The following CENPW variants were observed in gnomAD, a reference collection of about 807,000 sequenced individuals.
CENPW encodes the protein centromere protein W, also known as cancer-up-regulated gene 2 protein.
A neutral mutation model predicts 11.1 loss-of-function variants in CENPW; 3 were observed. The ratio of observed to expected loss-of-function variants is 0.27; its 90% CI spans 0.12 to 0.70. The LOEUF (loss-of-function observed/expected upper bound fraction) is 0.70. Among genes scored for constraint, CENPW ranks in the 30% least tolerant of loss-of-function variants. The pLI, the probability that CENPW is intolerant of heterozygous loss-of-function variation, is 0.77. For missense variants in CENPW, 100 were observed against 105.6 expected (o/e 0.95, Z 0.23); for synonymous variants, 38 against 42.0 (o/e 0.91, Z 0.37).
At chr6:126,388,042 A>T in the CENPW span, among the ~76,000 whole-genome samples, 1 of 152,020 alleles carries the variant, frequency 6.6e-6, no homozygotes, top group Non-Finnish European at 1.5e-5. Flanking sequence ...CACCATATAC[A>T]GTAGCACAAA....
At chr6:126,460,147 T>C in the CENPW span, among the ~76,000 whole-genome samples, 1 of 151,640 alleles carries the variant, frequency 6.6e-6, no homozygotes, top group Non-Finnish European at 1.5e-5. Context: ...ATCTTGAAAG[T>C]CTCTAAGCCT....
the CENPW span, among the ~76,000 whole-genome samples, chr6:126,445,836 C>T: frequency 2.0e-5 from 3 of 151,156 alleles, no homozygotes; most frequent in South Asian, 2.1e-4. Flanking sequence ...CCATTTGAAT[C>T]GTTTTGCTTT....
chr6:126,348,904 T>C (rs767184529), downstream of CENPW: 1 of 153,520 alleles, frequency 6.5e-6, no homozygotes, highest in Non-Finnish European at 1.4e-5. Flanking sequence ...AGGTGCACTT[T>C]CAATATTTTA....
the CENPW span, among the ~76,000 whole-genome samples, chr6:126,446,639 C>T: frequency 6.6e-6 from 1 of 150,888 alleles, no homozygotes; most frequent in East Asian, 1.9e-4. Flanking sequence ...CCAACCTAAC[C>T]AAAAATAAAA....
the CENPW span, among the ~76,000 whole-genome samples, chr6:126,378,337 A>G: frequency 6.6e-6 from 1 of 152,014 alleles, no homozygotes; most frequent in Non-Finnish European, 1.5e-5. Context: ...AGAGTTTTCT[A>G]TCATGGATGC....
chr6:126,439,840 T>A, the CENPW span, among the ~76,000 whole-genome samples: 1 of 151,674 alleles, frequency 6.6e-6, no homozygotes, highest in Non-Finnish European at 1.5e-5. Context: ...TTTTTCTTCA[T>A]GACTTTCTGT....
chr6:126,412,557 T>C, the CENPW span, among the ~76,000 whole-genome samples: 1 of 152,270 alleles, frequency 6.6e-6, no homozygotes, highest in East Asian at 1.9e-4. Flanking sequence ...CATGGAATTG[T>C]TGAGCTTTTT....
the CENPW span, among the ~76,000 whole-genome samples, chr6:126,361,385 C>T: frequency 1.2e-4 from 19 of 152,012 alleles, no homozygotes; most frequent in Non-Finnish European, 1.0e-4. Context: ...CTGCAAGCTC[C>T]GCCTCCTGGG....
At chr6:126,376,676 T>C in the CENPW span, among the ~76,000 whole-genome samples, 1 of 152,188 alleles carries the variant, frequency 6.6e-6, no homozygotes, top group Admixed American at 6.6e-5. Context: ...TTTCTGTGGC[T>C]AGTCACAAAT....
the CENPW span, among the ~76,000 whole-genome samples, chr6:126,418,390 C>T: frequency 1.3e-5 from 2 of 152,260 alleles, no homozygotes; most frequent in East Asian, 1.9e-4. Context: ...GTGGTATATC[C>T]ATACCACTGG....
chr6:126,358,065 G>A, the CENPW span, among the ~76,000 whole-genome samples: 1 of 152,100 alleles, frequency 6.6e-6, no homozygotes, highest in Non-Finnish European at 1.5e-5. Context: ...CATTGATTTT[G>A]TATTCTGAAA....
At chr6:126,471,491 A>C in the CENPW span, among the ~76,000 whole-genome samples, 1 of 152,214 alleles carries the variant, frequency 6.6e-6, no homozygotes, top group African/African-American at 2.4e-5. Flanking sequence ...ACATTTAGTC[A>C]TCAAAATATA....
At chr6:126,467,920 C>T in the CENPW span, among the ~76,000 whole-genome samples, 3 of 152,158 alleles carry the variant, frequency 2.0e-5, no homozygotes, top group Middle Eastern at 3.4e-3. Flanking sequence ...TGTCCTTTAC[C>T]TGTGTGATTT....
chr6:126,371,025 C>A, the CENPW span, among the ~76,000 whole-genome samples: 1 of 152,232 alleles, frequency 6.6e-6, no homozygotes. Context: ...GCCCTGCCTC[C>A]CAAAGTGCTG....
chr6:126,350,527 A>G (rs1368391433), downstream of CENPW, among the ~76,000 whole-genome samples: 1 of 152,184 alleles, frequency 6.6e-6, no homozygotes, highest in East Asian at 1.9e-4. Context: ...TCCTAATACC[A>G]TCACACTGGT....
the CENPW span, among the ~76,000 whole-genome samples, chr6:126,361,387 C>G: frequency 6.6e-6 from 1 of 152,240 alleles, no homozygotes; most frequent in Admixed American, 6.5e-5. Context: ...GCAAGCTCCG[C>G]CTCCTGGGTT....
the CENPW span, among the ~76,000 whole-genome samples, chr6:126,421,229 G>T: frequency 6.6e-6 from 1 of 152,010 alleles, no homozygotes; most frequent in African/African-American, 2.4e-5. Context: ...ATGATTTACA[G>T]ATTTCATTAA....
chr6:126,398,956 C>G, the CENPW span, among the ~76,000 whole-genome samples: 1 of 151,852 alleles, frequency 6.6e-6, no homozygotes, highest in African/African-American at 2.4e-5. Context: ...ATAATGGCCT[C>G]CAGCTGCATT....
At chr6:126,423,356 T>G in the CENPW span, among the ~76,000 whole-genome samples, 1 of 152,148 alleles carries the variant, frequency 6.6e-6, no homozygotes, top group South Asian at 2.1e-4. Flanking sequence ...AATTCGACAC[T>G]TGCTTGAAAT....
Sources: allele counts gnomAD v4.1 joint callset (sites outside exome capture counted in the v4.1 genomes callset), GRCh38; gene constraint gnomAD v4.1.1; transcripts MANE v1.5; gene names NCBI Gene and HGNC (gene_info 2026-07-23, HGNC 2026-07-21).